Variants in CSF2RA observed in about 807,000 individuals in gnomAD.
CSF2RA encodes granulocyte-macrophage colony-stimulating factor receptor subunit alpha.
Under a neutral mutation model 51.6 loss-of-function variants are expected in CSF2RA, and 42 were observed. The observed-to-expected ratio is 0.81, with a 90% CI of 0.64 to 1.05. CSF2RA has a LOEUF of 1.05. CSF2RA is among the 50% of genes least tolerant of loss of function. CSF2RA has a pLI of 0.00. For missense variants in CSF2RA, 530 were observed against 501.1 expected (o/e 1.06, Z -0.55); for synonymous variants, 222 against 193.0 (o/e 1.15, Z -1.24).
At chrX:1,321,730 A>G in the CSF2RA span, among the ~76,000 whole-genome samples, 3 of 152,206 alleles carry the variant, frequency 2.0e-5, no homozygotes, top group African/African-American at 7.2e-5. Context: ...GCACTGTCAC[A>G]AAAAGGCAGA....
intron 8 of CSF2RA, among the ~76,000 whole-genome samples, chrX:1,295,121 G>C (rs1394009280): frequency 6.4e-4 from 97 of 151,886 alleles, no homozygotes; most frequent in African/African-American, 2.0e-3. Flanking sequence ...CCTGGACCCA[G>C]TGTAGACAAG....
chrX:1,282,962 T>C (rs1234080040), intron 3 of CSF2RA, among the ~76,000 whole-genome samples, 183 bp downstream of exon 3: 2 of 152,144 alleles, frequency 1.3e-5, no homozygotes, highest in Admixed American at 1.3e-4. Flanking sequence ...CCTTTTCTGC[T>C]GTTAATTCCC....
At chrX:1,286,156 C>T (rs2148319176) in intron 4 of CSF2RA, among the ~76,000 whole-genome samples, 1 of 152,090 alleles carries the variant, frequency 6.6e-6, no homozygotes, top group Non-Finnish European at 1.5e-5. Flanking sequence ...CCTGTAGTCC[C>T]AGCTACTCAG....
chrX:1,282,935 T>G (rs1221074725), intron 3 of CSF2RA, among the ~76,000 whole-genome samples, 156 bp downstream of exon 3: 1 of 152,064 alleles, frequency 6.6e-6, no homozygotes, highest in Non-Finnish European at 1.5e-5. Context: ...AGCTCAGAGC[T>G]CCTCTTGTTC....
downstream of CSF2RA, among the ~76,000 whole-genome samples, chrX:1,314,229 GCACC>G (rs2084315307): frequency 9.5e-6 from 1 of 105,116 alleles, no homozygotes; most frequent in Admixed American, 1.0e-4. Flanking sequence ...CAACCCCACT[GCACC>G]TGCCCAACCC....
At chrX:1,292,732 A>G (rs190029453) in intron 7 of CSF2RA, among the ~76,000 whole-genome samples, 1 of 152,226 alleles carries the variant, frequency 6.6e-6, no homozygotes, top group African/African-American at 2.4e-5. Context: ...AATAGAACGA[A>G]TGTACGATCG....
Position 1,300,539 on chromosome X carries a change from G to C in CSF2RA, c.859G>C (p.Glu287Gln). The C allele has an allele frequency of 6.2e-7, 1 of 1,613,912 alleles. No individual in the cohort carries two copies. Among genetic ancestry groups the C allele is most frequent in the Non-Finnish European group, 8.5e-7 (1 of 1,179,868 alleles). The change falls in exon 10 of 13, where the codon GAG becomes CAG. Residue 287 changes from glutamate (E) to glutamine (Q), a missense_variant. By Grantham distance (29) the Glu-to-Gln change is conservative. Transcript: ENST00000381529. ...AAATAGATACAACTTTCCAAGCTCT[G>C]AGCCCAGAGCAAAACACAGTGTGAA... ...LENRYNFPSS[E>Q]PRAKHSVKIR...
chrX:1,321,313 CA>C, the CSF2RA span, among the ~76,000 whole-genome samples: 1 of 151,764 alleles, frequency 6.6e-6, no homozygotes, highest in Non-Finnish European at 1.5e-5. Flanking sequence ...ACTAAAAATA[CA>C]AAAAATTAGC....
chrX:1,276,805 G>A (rs1321178041), intron 2 of CSF2RA, among the ~76,000 whole-genome samples: 2 of 152,048 alleles, frequency 1.3e-5, no homozygotes, highest in Non-Finnish European at 2.9e-5. Flanking sequence ...CTCCTAGAAA[G>A]CATACACAGT....
At chrX:1,319,233 T>A in the CSF2RA span, among the ~76,000 whole-genome samples, 1 of 149,080 alleles carries the variant, frequency 6.7e-6, no homozygotes, top group Admixed American at 6.7e-5. Context: ...TGGCCTCAGG[T>A]GATCCACCCG....
chrX:1,303,774 C>G lies in CSF2RA; in HGVS notation c.947-149C>G, dbSNP rs2083259487. On this transcript the variant is annotated intron_variant, in intron 10 of 12. Transcript: ENST00000381529. Reference sequence around the variant, plus strand: ...ATCTCAGAGCCATCTTAGTTAAGAACCAAAAACAGGGAGGCAGGTTTGCTG... The same window carrying G: ...ATCTCAGAGCCATCTTAGTTAAGAAGCAAAAACAGGGAGGCAGGTTTGCTG... The G allele has an allele frequency of 4.3e-5, 34 of 787,028 alleles. 1 individual carries two copies. The South Asian group carries it at 4.7e-4, about 11-fold the overall frequency. The allele number at this position is 787,028 out of a possible 1,614,324, so 48.8% of individuals were successfully genotyped here.
rs28454083 is a variant in CSF2RA at position 1,289,011 on chromosome X, C to G, written c.473+123C>G. 0.11 allele frequency: 154,051 copies of G among 1,348,474 alleles called. 9,753 individuals carry two copies. The highest frequency in any genetic ancestry group is 0.13 in the Non-Finnish European group (123,778 of 952,740). 83.5% of individuals were successfully genotyped at this position (1,348,474 alleles called of 1,614,324 possible). A position where few individuals can be genotyped will look rare whatever the true frequency, so the allele number is the denominator to read the frequency against. On this transcript the variant is annotated intron_variant, in intron 6 of 12. Transcript: ENST00000381529. ...TGGTCTTGCTCTGTTGCCCAGGCTG[C>G]AATGCAATGGTGCCACCTCGGCTCA...
At chrX:1,314,275 C>T (rs1167828388), downstream of CSF2RA, among the ~76,000 whole-genome samples, 3 of 81,004 alleles carry the variant, frequency 3.7e-5, no homozygotes, top group African/African-American at 7.6e-5. Context: ...CTGCGCCTGC[C>T]CAACCCCACT....
intron 1 of CSF2RA, among the ~76,000 whole-genome samples, chrX:1,270,357 G>A (rs28390193): frequency 1.3e-5 from 2 of 151,672 alleles, no homozygotes; most frequent in Admixed American, 6.6e-5. Context: ...CTCCCATCTC[G>A]GCCTCCCGAG....
chrX:1,272,381 C>A (rs758348622), intron 1 of CSF2RA, among the ~76,000 whole-genome samples: 215 of 142,504 alleles, frequency 1.5e-3, no homozygotes, highest in Admixed American at 2.0e-3. Flanking sequence ...GATCCTGGTA[C>A]AAAAAAAAAA....
chrX:1,323,771 T>A, the CSF2RA span, among the ~76,000 whole-genome samples: 1 of 151,770 alleles, frequency 6.6e-6, no homozygotes, highest in Admixed American at 6.6e-5. Flanking sequence ...TCCCAGCACT[T>A]TGGGAGGCAG....
chrX:1,320,583 T>C, the CSF2RA span, among the ~76,000 whole-genome samples: 5 of 149,532 alleles, frequency 3.3e-5, no homozygotes, highest in Non-Finnish European at 5.9e-5. Flanking sequence ...CTGCAACCTC[T>C]GCCTCCAGGG....
At chrX:1,290,275 TTG>T in intron 6 of CSF2RA, 60 bp from the exon 7 acceptor site, 1 of 1,332,762 alleles carries the variant, frequency 7.5e-7, no homozygotes, top group East Asian at 2.3e-5. Flanking sequence ...TTGTTTTGTT[TTG>T]TGTTTTTGTG....
At chrX:1,269,924 A>G (rs1179544724) in intron 1 of CSF2RA, among the ~76,000 whole-genome samples, 2 of 152,082 alleles carry the variant, frequency 1.3e-5, no homozygotes, top group South Asian at 2.1e-4. Context: ...CTTGGCCAAC[A>G]TGGCAAAACC....
Sources: allele counts gnomAD v4.1 joint callset (sites outside exome capture counted in the v4.1 genomes callset), GRCh38; gene constraint gnomAD v4.1.1; transcripts MANE v1.5; gene names NCBI Gene and HGNC (gene_info 2026-07-23, HGNC 2026-07-21).